MACROD2: variants seen among roughly 807,000 people sequenced by gnomAD.
The protein encoded by MACROD2 is ADP-ribose glycohydrolase MACROD2.
In MACROD2, 36 loss-of-function variants were observed where a neutral mutation model predicts 70.4. The observed-to-expected ratio is 0.51, with a 90% confidence interval of 0.39 to 0.68. The LOEUF (loss-of-function observed/expected upper bound fraction) is 0.68. Ranked by LOEUF, MACROD2 falls within the 30% of genes least tolerant of loss-of-function variation. The pLI, the probability that MACROD2 is intolerant of heterozygous loss-of-function variation, is 0.00. For missense variants in MACROD2, 496 were observed against 538.4 expected, an observed-to-expected ratio of 0.92 and a Z score of 0.78; for synonymous variants, 172 against 178.8, an observed-to-expected ratio of 0.96 and a Z score of 0.30.
At chr20:14,262,717 G>A (rs558675849) in intron 3 of MACROD2, among the ~76,000 whole-genome samples, 1 of 152,210 alleles carries the variant, frequency 6.6e-6, no homozygotes, top group East Asian at 1.9e-4. Flanking sequence ...GGAAAGAAAA[G>A]GTTTAATAAG....
chr20:14,647,326 C>T (rs1430647621), intron 4 of MACROD2, among the ~76,000 whole-genome samples: 1 of 152,114 alleles, frequency 6.6e-6, no homozygotes, highest in African/African-American at 2.4e-5. Context: ...TTCAGCAGCT[C>T]ATGCTTTCCT....
intron 8 of MACROD2, among the ~76,000 whole-genome samples, chr20:15,551,784 G>A (rs2048100714): frequency 6.7e-6 from 1 of 148,452 alleles, no homozygotes; most frequent in South Asian, 2.1e-4. Context: ...AGGAGGATTA[G>A]TTGAGCCTGA....
intron 6 of MACROD2, among the ~76,000 whole-genome samples, chr20:15,384,712 AT>A (rs2045689662): frequency 6.6e-6 from 1 of 152,190 alleles, no homozygotes; most frequent in South Asian, 2.1e-4. Context: ...CTTTCAAATA[AT>A]AACCAGTACA....
At chr20:15,485,501 T>C (rs2047152640) in intron 7 of MACROD2, among the ~76,000 whole-genome samples, 1 of 152,204 alleles carries the variant, frequency 6.6e-6, no homozygotes, top group Non-Finnish European at 1.5e-5. Flanking sequence ...AGATTGATTT[T>C]TGATGAGAAA....
chr20:14,421,212 A>G (rs2083873054), intron 3 of MACROD2, among the ~76,000 whole-genome samples: 2 of 152,204 alleles, frequency 1.3e-5, no homozygotes. Flanking sequence ...TATCAGGGCA[A>G]TACTGGTCCC....
intron 8 of MACROD2, among the ~76,000 whole-genome samples, chr20:15,777,513 CCTTCCTTCCTTCCTTCCTT>C (rs2051745256): frequency 2.7e-3 from 10 of 3,644 alleles, no homozygotes; most frequent in Admixed American, 0.016. Flanking sequence ...TTCCTTCTTT[CCTTCCTTCCTTCCTTCCTT>C]CCTTCCTTCC....
intron 5 of MACROD2, among the ~76,000 whole-genome samples, chr20:14,780,560 C>G (rs2072288069): frequency 1.2e-5 from 1 of 83,078 alleles, no homozygotes. Context: ...GAAACTCCGT[C>G]TCAAAAAAAA....
At chr20:15,742,210 C>T (rs989132491) in intron 8 of MACROD2, among the ~76,000 whole-genome samples, 1 of 152,132 alleles carries the variant, frequency 6.6e-6, no homozygotes, top group Non-Finnish European at 1.5e-5. Flanking sequence ...GAGCATGCAT[C>T]ACTTACAGCT....
intron 5 of MACROD2, among the ~76,000 whole-genome samples, chr20:14,776,979 G>T (rs1026403242): frequency 1.3e-5 from 2 of 152,018 alleles, no homozygotes; most frequent in African/African-American, 4.8e-5. Flanking sequence ...ATTCATTCAT[G>T]TTTTGCATGT....
chr20:16,034,417 G>C (rs149442721), intron 15 of MACROD2, among the ~76,000 whole-genome samples: 52 of 151,992 alleles, frequency 3.4e-4, no homozygotes, highest in Admixed American at 5.9e-4. Flanking sequence ...GAAGTCTAGG[G>C]GAAAATGAAA....
intron 5 of MACROD2, among the ~76,000 whole-genome samples, chr20:14,910,024 C>T (rs182667743): frequency 6.6e-6 from 1 of 152,280 alleles, no homozygotes; most frequent in African/African-American, 2.4e-5. Context: ...GCTAATGATA[C>T]TCACTTAGCC....
At position 15,825,487 on chromosome 20, in the gene MACROD2, G is replaced by GTT. The variant is rs57572852; in HGVS notation, c.646-37250_646-37249dup. On this transcript the variant is annotated intron_variant, in intron 8 of 17. Transcript: ENST00000684519. ...ATCCAATTGTAGACATGATAAAATG[G>GTT]TTTTTTTTTGTTGTTGGTTTTTTTT... 7.9e-4 allele frequency among the ~76,000 whole-genome samples: 119 copies of GTT among 149,690 alleles called. 5 individuals carry two copies. The South Asian group carries it at 0.018, about 22-fold the overall frequency.
chr20:15,230,293 T>C (rs2076948828), intron 6 of MACROD2, among the ~76,000 whole-genome samples: 1 of 152,216 alleles, frequency 6.6e-6, no homozygotes, highest in Non-Finnish European at 1.5e-5. Flanking sequence ...GAACTGGATT[T>C]ATCTTATCTA....
chr20:14,109,445 A>G (rs1021513702), intron 3 of MACROD2, among the ~76,000 whole-genome samples: 2 of 151,934 alleles, frequency 1.3e-5, no homozygotes, highest in Non-Finnish European at 2.9e-5. Flanking sequence ...AAAACAATAC[A>G]AAAGATCAAT....
chr20:14,573,432 A>G (rs1980351586), intron 4 of MACROD2, among the ~76,000 whole-genome samples: 1 of 152,200 alleles, frequency 6.6e-6, no homozygotes, highest in Admixed American at 6.5e-5. Flanking sequence ...AAAATATAGA[A>G]AGAACTAAAA....
At chr20:14,029,563 T>G (rs962870569) in intron 2 of MACROD2, among the ~76,000 whole-genome samples, 4 of 152,164 alleles carry the variant, frequency 2.6e-5, no homozygotes, top group African/African-American at 9.7e-5. Flanking sequence ...GTCAAAGTTG[T>G]GGGAATCTGA....
At chr20:15,595,923 T>C (rs1031405166) in intron 8 of MACROD2, among the ~76,000 whole-genome samples, 5 of 152,210 alleles carry the variant, frequency 3.3e-5, no homozygotes, top group African/African-American at 4.8e-5. Context: ...ATATTTAGCA[T>C]TTAGCATATA....
chr20:14,158,620 T>A (rs2055138962), intron 3 of MACROD2, among the ~76,000 whole-genome samples: 1 of 152,174 alleles, frequency 6.6e-6, no homozygotes, highest in South Asian at 2.1e-4. Flanking sequence ...TTCATTGTTT[T>A]GTGTATGGAT....
At chr20:15,758,568 C>G (rs1213776708) in intron 8 of MACROD2, among the ~76,000 whole-genome samples, 2 of 142,754 alleles carry the variant, frequency 1.4e-5, no homozygotes. Context: ...GAAACTGGGT[C>G]TTGCTCTGTG....
Sources: gnomAD v4.1 joint callset for allele counts (sites outside exome capture counted in the v4.1 genomes callset) on GRCh38, gnomAD v4.1.1 for gene constraint, MANE v1.5 for transcripts, NCBI Gene and HGNC (gene_info 2026-07-23, HGNC 2026-07-21) for gene names.